The following NEMP2 variants were observed in gnomAD, a reference collection of about 807,000 sequenced individuals.
NEMP2 encodes the protein nuclear envelope integral membrane protein 2.
A neutral mutation model predicts 54.2 loss-of-function variants in NEMP2; 53 were observed. That is an observed-to-expected ratio of 0.98 (90% CI 0.78 to 1.23). The LOEUF is 1.23. NEMP2 is among the 50% of genes most tolerant of loss of function. The probability of loss-of-function intolerance (pLI) is 0.00; values close to 1 mark genes in which losing one functional copy is unlikely to be tolerated. For synonymous variants in NEMP2, 197 were observed against 190.3 expected (o/e 1.04, Z -0.29); for missense variants, 455 against 511.3 (o/e 0.89, Z 1.06).
intron 1 of NEMP2, 58 bp downstream of exon 1, chr2:190,534,501 C>T (rs1691289406): frequency 1.5e-6 from 2 of 1,333,560 alleles, no homozygotes; most frequent in South Asian, 3.9e-5. Flanking sequence ...CTCAGGGCAG[C>T]CGCGAAGCCG....
chr2:190,563,346 T>G, the NEMP2 span, among the ~76,000 whole-genome samples: 1 of 152,056 alleles, frequency 6.6e-6, no homozygotes, highest in African/African-American at 2.4e-5. This position sits in a 1 kb window ranked among gnomAD's most constrained non-coding sequence, Gnocchi z 4.3. Flanking sequence ...ACTCATCTTC[T>G]CTCCTTCACG....
At chr2:190,442,361 G>T in the NEMP2 span, among the ~76,000 whole-genome samples, 1 of 152,108 alleles carries the variant, frequency 6.6e-6, no homozygotes, top group African/African-American at 2.4e-5. Flanking sequence ...AAACAGGAGA[G>T]ACTGAGGCCA....
rs1690691595 is a variant in NEMP2 at position 190,519,793 on chromosome 2, G to C, written c.214-610C>G. ...TTAAAAAGGATAAGAAGAATGTACA[G>C]GCATACCCATTTTATTGTTTTACAT... On this transcript the variant is annotated intron_variant, in intron 2 of 8. Transcript: ENST00000409150. The surrounding 1 kb of genome is among the most constrained non-coding windows in gnomAD (Gnocchi z 5.4). Among the ~76,000 whole-genome samples, 1 of 152,150 alleles carries C rather than the reference G, an allele frequency of 6.6e-6. No homozygotes were observed. Among genetic ancestry groups the C allele is most frequent in the Non-Finnish European group, 1.5e-5 (1 of 68,038 alleles).
the NEMP2 span, among the ~76,000 whole-genome samples, chr2:190,623,215 T>C: frequency 6.6e-6 from 1 of 152,136 alleles, no homozygotes; most frequent in Admixed American, 6.5e-5. Flanking sequence ...ATTGGAAGAA[T>C]TAATATCATT....
chr2:190,631,927 G>A, the NEMP2 span, among the ~76,000 whole-genome samples: 4 of 152,100 alleles, frequency 2.6e-5, no homozygotes, highest in Admixed American at 6.6e-5. Context: ...ATGGTGGCAC[G>A]CATCTGTAGT....
chr2:190,539,250 G>A (rs1267708690), upstream of NEMP2, among the ~76,000 whole-genome samples: 1 of 152,144 alleles, frequency 6.6e-6, no homozygotes, highest in Non-Finnish European at 1.5e-5. This position sits in a 1 kb window ranked among gnomAD's most constrained non-coding sequence, Gnocchi z 4.1. Flanking sequence ...TTGAAAATGA[G>A]TTGGCTCTAA....
At chr2:190,443,946 G>A in the NEMP2 span, among the ~76,000 whole-genome samples, 3 of 152,110 alleles carry the variant, frequency 2.0e-5, no homozygotes, top group African/African-American at 7.2e-5. This position sits in a 1 kb window ranked among gnomAD's most constrained non-coding sequence, Gnocchi z 4.2. Context: ...CAGTTACTTG[G>A]GAGCCTGAGC....
chr2:190,621,970 G>C, the NEMP2 span, among the ~76,000 whole-genome samples: 54 of 152,146 alleles, frequency 3.5e-4, no homozygotes, highest in Non-Finnish European at 7.2e-4. Flanking sequence ...AGCTGGGCAG[G>C]GTGGCATTCA....
chr2:190,481,964 G>A, the NEMP2 span, among the ~76,000 whole-genome samples: 4 of 152,134 alleles, frequency 2.6e-5, no homozygotes, highest in East Asian at 1.9e-4. Context: ...CCTTTTCTTC[G>A]TGGACATGCA....
At chr2:190,620,233 C>T in the NEMP2 span, 87 of 152,140 alleles carry the variant, frequency 5.7e-4, no homozygotes, top group Admixed American at 5.7e-3. The surrounding 1 kb of genome is among the most constrained non-coding windows in gnomAD (Gnocchi z 4.9). Context: ...ATGGCATATG[C>T]ACTATCAAAA....
rs1019654196 is a variant in NEMP2, at chr2:190,531,895, C to A, written c.97+2664G>T. Among the ~76,000 whole-genome samples, 1 of 152,078 alleles carries A rather than the reference C, an allele frequency of 6.6e-6. No homozygotes were observed. Among genetic ancestry groups the A allele is most frequent in the Non-Finnish European group, 1.5e-5 (1 of 67,990 alleles). ...TGCTAAAAATAAAAAGCACAAACAC[C>A]TCAAATCTTAGCAGAACCTAACTCC... On this transcript the variant is annotated intron_variant, in intron 1 of 8. Coordinates refer to ENST00000409150, the MANE Select transcript of NEMP2 (RefSeq NM_001142645.2). The surrounding 1 kb of genome is among the most constrained non-coding windows in gnomAD (Gnocchi z 4.7).
At chr2:190,484,254 C>G in the NEMP2 span, among the ~76,000 whole-genome samples, 6 of 152,266 alleles carry the variant, frequency 3.9e-5, no homozygotes, top group African/African-American at 1.4e-4. Flanking sequence ...ACTGTTTGAT[C>G]TACCAACTTT....
At chr2:190,603,885 A>AC in the NEMP2 span, among the ~76,000 whole-genome samples, 3 of 151,442 alleles carry the variant, frequency 2.0e-5, no homozygotes, top group Admixed American at 6.6e-5. Context: ...TACACCCCCC[A>AC]CCTTTTTAAA....
the NEMP2 span, among the ~76,000 whole-genome samples, chr2:190,553,100 A>G: frequency 6.6e-6 from 1 of 152,010 alleles, no homozygotes; most frequent in East Asian, 1.9e-4. Flanking sequence ...GACAAATTCT[A>G]AAAGAGCTGT....
At chr2:190,461,277 C>G in the NEMP2 span, among the ~76,000 whole-genome samples, 1 of 152,276 alleles carries the variant, frequency 6.6e-6, no homozygotes, top group South Asian at 2.1e-4. This position sits in a 1 kb window ranked among gnomAD's most constrained non-coding sequence, Gnocchi z 5.5. Context: ...TCTGTTCATT[C>G]TTTGAGAAAG....
At chr2:190,422,815 A>T in the NEMP2 span, among the ~76,000 whole-genome samples, 1 of 151,204 alleles carries the variant, frequency 6.6e-6, no homozygotes, top group Non-Finnish European at 1.5e-5. Context: ...TCCTTCTTGG[A>T]GTTATTATTT....
At chr2:190,463,837 T>A in the NEMP2 span, 1 of 962,250 alleles carries the variant, frequency 1.0e-6, no homozygotes, top group African/African-American at 1.8e-5. The surrounding 1 kb of genome is among the most constrained non-coding windows in gnomAD (Gnocchi z 4.4). Flanking sequence ...AATAAATAAA[T>A]AAAATAAAAA....
the NEMP2 span, among the ~76,000 whole-genome samples, chr2:190,592,248 T>C: frequency 6.6e-6 from 1 of 152,170 alleles, no homozygotes; most frequent in Non-Finnish European, 1.5e-5. The surrounding 1 kb of genome is among the most constrained non-coding windows in gnomAD (Gnocchi z 4.4). Flanking sequence ...AGTTTAACCG[T>C]TGAAATGGTA....
chr2:190,461,347 T>G, the NEMP2 span, among the ~76,000 whole-genome samples: 1 of 152,214 alleles, frequency 6.6e-6, no homozygotes, highest in Admixed American at 6.5e-5. The surrounding 1 kb of genome is among the most constrained non-coding windows in gnomAD (Gnocchi z 5.5). Context: ...TCCCACCCCT[T>G]GGGCAGTCCC....
Sources: allele counts gnomAD v4.1 joint callset (sites outside exome capture counted in the v4.1 genomes callset), GRCh38; gene constraint gnomAD v4.1.1; non-coding constraint Gnocchi (gnomAD v3.1); transcripts MANE v1.5; gene names NCBI Gene and HGNC (gene_info 2026-07-23, HGNC 2026-07-21).